Variants in KCNJ1 observed in about 807,000 individuals in gnomAD.
KCNJ1 encodes potassium inwardly rectifying channel subfamily J member 1.
Under a neutral mutation model 21.9 loss-of-function variants are expected in KCNJ1, and 24 were observed. That is an observed-to-expected ratio of 1.10 (90% confidence interval 0.79 to 1.54). KCNJ1 has a LOEUF of 1.54. Among genes scored for constraint, KCNJ1 ranks in the 40% most tolerant of loss-of-function variants. The pLI, the probability that KCNJ1 is intolerant of heterozygous loss-of-function variation, is 0.00. For synonymous variants in KCNJ1, 152 were observed against 160.9 expected (o/e 0.94, Z 0.42); for missense variants, 457 against 455.4 (o/e 1.00, Z -0.03).
intron 1 of KCNJ1, among the ~76,000 whole-genome samples, chr11:128,852,862 TAG>T (rs1010516536): frequency 3.9e-5 from 6 of 152,218 alleles, no homozygotes; most frequent in African/African-American, 1.4e-4. Flanking sequence ...CCCTAGACCT[TAG>T]AGCCATGCCA....
chr11:128,857,106 T>A (rs673614), intron 1 of KCNJ1, among the ~76,000 whole-genome samples: 1 of 151,890 alleles, frequency 6.6e-6, no homozygotes. Flanking sequence ...TGCTCTGCAA[T>A]GTGCGGCGCA....
At chr11:128,855,895 C>T (rs148716543) in intron 1 of KCNJ1, among the ~76,000 whole-genome samples, 326 of 152,326 alleles carry the variant, frequency 2.1e-3, no homozygotes, top group African/African-American at 7.4e-3. Flanking sequence ...TGGATTTGGG[C>T]AGGCAGCTCT....
At chr11:128,852,967 C>T (rs1028994128) in intron 1 of KCNJ1, among the ~76,000 whole-genome samples, 23 of 152,256 alleles carry the variant, frequency 1.5e-4, no homozygotes, top group African/African-American at 5.3e-4. Flanking sequence ...TTCTCTCATT[C>T]CTTTCCTTGT....
chr11:128,840,098 A>G lies in KCNJ1; in HGVS notation c.146T>C (p.Ile49Thr). ...CTTGAGGTCAAGTACCGTTGTCCAG[A>G]TGTCCACAAAGAATATAAACCTTGA... ...AQSRFIFFVDIWTTVLDLKWR... is the reference protein window; with the variant it reads ...AQSRFIFFVDTWTTVLDLKWR... The change falls in exon 3 of 3, where the codon ATC becomes ACC. Residue 49 changes from isoleucine (I) to threonine (T), a missense_variant. Ile to Thr is a moderately conservative substitution (Grantham distance 89, BLOSUM62 -1). Coordinates refer to ENST00000392666, the MANE Select transcript of KCNJ1 (RefSeq NM_153766.3). 2 of 1,614,208 alleles carry G rather than the reference A, an allele frequency of 1.2e-6. No homozygotes were observed. Among genetic ancestry groups the G allele is most frequent in the Non-Finnish European group, 1.7e-6 (2 of 1,180,032 alleles).
intron 2 of KCNJ1, among the ~76,000 whole-genome samples, chr11:128,850,072 C>CA (rs1943455592): frequency 1.9e-5 from 2 of 106,296 alleles, no homozygotes; most frequent in African/African-American, 3.0e-5. Context: ...CATCGGAGGG[C>CA]CCCCCCGCCT....
At chr11:128,853,057 C>G (rs1206230993) in intron 1 of KCNJ1, among the ~76,000 whole-genome samples, 1 of 152,240 alleles carries the variant, frequency 6.6e-6, no homozygotes, top group African/African-American at 2.4e-5. Flanking sequence ...ATTTGCCATT[C>G]TATCAAAATC....
rs982659619 is a variant in KCNJ1 at position 128,843,553 on chromosome 11, A to G, written c.-21-3289T>C. 5.9e-5 allele frequency among the ~76,000 whole-genome samples: 9 copies of G among 152,320 alleles called. No homozygotes were observed. The East Asian group carries it at 1.7e-3, about 29-fold the overall frequency. On this transcript the variant is annotated intron_variant, in intron 2 of 2. Coordinates refer to ENST00000392666, the MANE Select transcript of KCNJ1 (RefSeq NM_153766.3). ...AACACTGATTGTATGCTTGTTCTGT[A>G]GGATTTCAAAGACAAATAGAACTCT... is the stretch of plus-strand genomic sequence containing the variant.
intron 1 of KCNJ1, among the ~76,000 whole-genome samples, chr11:128,861,777 T>C (rs781048638): frequency 1.3e-5 from 2 of 152,070 alleles, no homozygotes; most frequent in Non-Finnish European, 2.9e-5. Context: ...GAAGTTTGTG[T>C]CCATTTCCCG....
At chr11:128,853,138 C>G (rs1487162351) in intron 1 of KCNJ1, among the ~76,000 whole-genome samples, 1 of 152,250 alleles carries the variant, frequency 6.6e-6, no homozygotes, top group African/African-American at 2.4e-5. Flanking sequence ...CTTTTCCATA[C>G]TATATTGATG....
chr11:128,842,651 C>T lies in KCNJ1; in HGVS notation c.-21-2387G>A, dbSNP rs1397914323. 8 of 753,716 alleles carry T rather than the reference C, an allele frequency of 1.1e-5. No individual in the cohort carries two copies. In the African/African-American group the frequency reaches 1.1e-4, roughly 10 times the overall value. 46.7% of individuals were successfully genotyped at this position (753,716 alleles called of 1,614,324 possible). A position where few individuals can be genotyped will look rare whatever the true frequency, so the allele number is the denominator to read the frequency against. The stretch of plus-strand genomic sequence containing the variant: ...ATTTTTTCTTTCCAACATCACATGG[C>T]TTGAATACCAACATGCTAAGACATG... On this transcript the variant is annotated intron_variant, in intron 2 of 2. Transcript: ENST00000392666.
chr11:128,858,261 C>A (rs958916563), intron 1 of KCNJ1, among the ~76,000 whole-genome samples: 1 of 151,812 alleles, frequency 6.6e-6, no homozygotes, highest in African/African-American at 2.4e-5. Flanking sequence ...CAAGGAAATG[C>A]ATGCTACAGA....
rs184698052 is a variant in KCNJ1, at chr11:128,860,935, A to G, written c.-192+6238T>C. Among the ~76,000 whole-genome samples the G allele has an allele frequency of 2.0e-5, 3 of 152,310 alleles. No homozygotes were observed. In the East Asian group the frequency reaches 5.8e-4, roughly 29 times the overall value. ...CTGCCTGTAATACTTCAAAAAACACAAAAACACTCTATGCACCATGTAGAG... is the reference window on the plus strand; with the variant it reads ...CTGCCTGTAATACTTCAAAAAACACGAAAACACTCTATGCACCATGTAGAG... On this transcript the variant is annotated intron_variant, in intron 1 of 2. Transcript: ENST00000392666.
Position 128,848,939 on chromosome 11 carries a change from G to A in KCNJ1, c.-22+1782C>T, listed in dbSNP as rs181557256. 4.5e-4 allele frequency among the ~76,000 whole-genome samples: 69 copies of A among 152,300 alleles called. 1 individual carries two copies. Among genetic ancestry groups the A allele is most frequent in the African/African-American group, 1.5e-3 (63 of 41,548 alleles). ...GAGAGTGTGGAATGGCCATTAAGGC[G>A]GCCAGAATGGGCTTCTGTAGTCTGC... is the stretch of plus-strand genomic sequence containing the variant. On this transcript the variant is annotated intron_variant, in intron 2 of 2. Coordinates refer to ENST00000392666, the MANE Select transcript of KCNJ1 (RefSeq NM_153766.3).
intron 2 of KCNJ1, among the ~76,000 whole-genome samples, chr11:128,848,323 A>G (rs1943420422): frequency 1.4e-5 from 2 of 145,128 alleles, no homozygotes; most frequent in African/African-American, 2.5e-5. Context: ...ACCTGAGACC[A>G]CGGGTGTGCA....
chr11:128,843,766 A>AT (rs1278050367), intron 2 of KCNJ1, among the ~76,000 whole-genome samples: 6 of 152,236 alleles, frequency 3.9e-5, no homozygotes, highest in Admixed American at 3.9e-4. Flanking sequence ...GTATACATTA[A>AT]TTTATTTATC....
intron 2 of KCNJ1, among the ~76,000 whole-genome samples, chr11:128,840,757 C>G (rs1298331751): frequency 6.6e-6 from 1 of 152,106 alleles, no homozygotes; most frequent in African/African-American, 2.4e-5. Context: ...CAATATACTA[C>G]CTAAATCATC....
intron 1 of KCNJ1, among the ~76,000 whole-genome samples, chr11:128,852,533 C>A (rs755053199): frequency 3.3e-5 from 5 of 152,348 alleles, no homozygotes; most frequent in Middle Eastern, 3.4e-3. Flanking sequence ...ATATCACCCA[C>A]CCTCCCATGT....
intron 1 of KCNJ1, among the ~76,000 whole-genome samples, chr11:128,851,828 C>T (rs1411876292): frequency 6.6e-6 from 1 of 152,228 alleles, no homozygotes; most frequent in Non-Finnish European, 1.5e-5. Context: ...AGTATGGACA[C>T]TCGGAGACTA....
chr11:128,859,730 G>C (rs1346308884), intron 1 of KCNJ1, among the ~76,000 whole-genome samples: 1 of 152,190 alleles, frequency 6.6e-6, no homozygotes, highest in Non-Finnish European at 1.5e-5. Flanking sequence ...TCCCGTCTGC[G>C]TCTCTCAGGG....
Sources: allele counts gnomAD v4.1 joint callset (sites outside exome capture counted in the v4.1 genomes callset), GRCh38; gene constraint gnomAD v4.1.1; transcripts MANE v1.5; gene names NCBI Gene and HGNC (gene_info 2026-07-23, HGNC 2026-07-21).